PLXNC1: variants seen among roughly 807,000 people sequenced by gnomAD.
PLXNC1 encodes the protein plexin-C1.
In PLXNC1, 75 loss-of-function variants were observed where a neutral mutation model predicts 178.2. That is an observed-to-expected ratio of 0.42 (90% CI 0.35 to 0.51). The LOEUF is 0.51. Among genes scored for constraint, PLXNC1 ranks in the 20% least tolerant of loss-of-function variants. PLXNC1 has a pLI of 0.02. For missense variants in PLXNC1, 1,503 were observed against 1,984.4 expected (o/e 0.76, Z 4.61); for synonymous variants, 790 against 779.9 (o/e 1.01, Z -0.22).
At chr12:94,261,906 C>T (rs544312570) in intron 20 of PLXNC1, among the ~76,000 whole-genome samples, 5 of 152,300 alleles carry the variant, frequency 3.3e-5, no homozygotes, top group African/African-American at 9.6e-5. Context: ...CCTCCCTCTC[C>T]CTAAGGCAAT....
intron 5 of PLXNC1, among the ~76,000 whole-genome samples, chr12:94,212,778 G>T (rs1427945639): frequency 2.8e-5 from 4 of 144,936 alleles, no homozygotes; most frequent in African/African-American, 1.0e-4. Flanking sequence ...GGAGTGCAGT[G>T]GCACGATCTT....
intron 3 of PLXNC1, among the ~76,000 whole-genome samples, chr12:94,182,577 T>C (rs1277456459): frequency 6.6e-6 from 1 of 151,228 alleles, no homozygotes. Context: ...TACAAACAAT[T>C]AGCTGGGCGT....
chr12:94,307,140 T>A lies in PLXNC1; in HGVS notation c.*1855T>A, dbSNP rs983855413. The A allele has an allele frequency of 7.9e-5, 12 of 152,342 alleles. No homozygotes were observed. The highest frequency in any genetic ancestry group is 2.9e-4 in the African/African-American group (12 of 41,574). The allele number at this position is 152,342 out of a possible 1,614,324, so 9.4% of individuals were successfully genotyped here. Reference sequence around the variant, plus strand: ...CTACATGAGGGTGTCCCTGTCCAGCTTTCTGGCACATGAGTCCTGTGTGGA... The same window carrying A: ...CTACATGAGGGTGTCCCTGTCCAGCATTCTGGCACATGAGTCCTGTGTGGA... On this transcript the variant is annotated 3_prime_UTR_variant, in exon 31 of 31. Coordinates refer to ENST00000258526, the MANE Select transcript of PLXNC1 (RefSeq NM_005761.3).
At position 94,204,436 on chromosome 12, in the gene PLXNC1, TA is replaced by T. The variant is rs200734209; in HGVS notation, c.1440-5146del. ...GCCTGGCATGTTAGATGTTTTTGCT[TA>T]AAAAAAATCTTTTAATTGTCTCTGT... On this transcript the variant is annotated intron_variant, in intron 4 of 30. Transcript: ENST00000258526. 3.8e-4 allele frequency among the ~76,000 whole-genome samples: 58 copies of T among 152,322 alleles called. No homozygotes were observed. The South Asian group carries it at 4.4e-3, about 11-fold the overall frequency.
At chr12:94,222,968 C>T (rs1963837270) in intron 6 of PLXNC1, among the ~76,000 whole-genome samples, 1 of 152,186 alleles carries the variant, frequency 6.6e-6, no homozygotes, top group Non-Finnish European at 1.5e-5. Flanking sequence ...GGAATTCTGA[C>T]TTTCAGAGGG....
rs1592766645 is a variant in PLXNC1, at chr12:94,209,641, G to A, written c.1491G>A (p.Leu497=). The change falls in exon 5 of 31, where the codon CTG becomes CTA. Residue 497 remains leucine, a synonymous_variant. Transcript: ENST00000258526. ...CVHSENLENW[L]DISSGAKKCP... ...ATTCAGAGAACTTAGAAAACTGGCT[G>A]GATATTTCGTCTGGAGCAAAAAAGT... 16 of 1,613,472 alleles carry A rather than the reference G, an allele frequency of 9.9e-6. No homozygotes were observed. In the African/African-American group the frequency reaches 1.6e-4, roughly 16 times the overall value.
At chr12:94,280,152 T>G (rs832503) in intron 22 of PLXNC1, 2 of 243,508 alleles carry the variant, frequency 8.2e-6, no homozygotes, top group South Asian at 4.7e-5. Flanking sequence ...CCGTCCTCCC[T>G]CAGTGTGCAG....
intron 9 of PLXNC1, chr12:94,227,577 G>A (rs1245022035): frequency 4.8e-5 from 11 of 231,482 alleles, no homozygotes; most frequent in Non-Finnish European, 6.9e-5. Flanking sequence ...ATATAATTGC[G>A]TTTCTGGGGG....
chr12:94,238,947 C>T (rs1964309907), intron 10 of PLXNC1, among the ~76,000 whole-genome samples: 1 of 152,072 alleles, frequency 6.6e-6, no homozygotes, highest in African/African-American at 2.4e-5. Flanking sequence ...TGGCTAAATA[C>T]CTTATTGCAA....
At chr12:94,300,230 G>T (rs1294763446) in intron 27 of PLXNC1, among the ~76,000 whole-genome samples, 1 of 152,168 alleles carries the variant, frequency 6.6e-6, no homozygotes, top group African/African-American at 2.4e-5. Flanking sequence ...TGAGTGCAGT[G>T]GAGAAAGTAG....
chr12:94,220,054 C>A lies in PLXNC1; in HGVS notation c.1593C>A (p.His531Gln), dbSNP rs752425974. The A allele has an allele frequency of 6.2e-7, 1 of 1,613,820 alleles. No homozygotes were observed. Among genetic ancestry groups the A allele is most frequent in the East Asian group, 2.2e-5 (1 of 44,878 alleles). Reference sequence around the variant, plus strand: ...TGGTGGGAAGCTTCTCTCCAAGACACTCAAAGTGCATGGTGAAGAATGTGG... The same window carrying A: ...TGGTGGGAAGCTTCTCTCCAAGACAATCAAAGTGCATGGTGAAGAATGTGG... Reference protein sequence around the residue: ...VTMVGSFSPRHSKCMVKNVDS... With the variant: ...VTMVGSFSPRQSKCMVKNVDS... The change falls in exon 6 of 31, where the codon CAC (histidine) becomes CAA (glutamine). Residue 531 changes from histidine (H) to glutamine (Q), a missense_variant. Physicochemically the swap from His to Gln is conservative, Grantham distance 24. Around this residue, in one of 4 missense-constraint regions of PLXNC1, gnomAD observed 615 missense variants for 698.6 expected, o/e 0.88. Coordinates refer to ENST00000258526, the MANE Select transcript of PLXNC1 (RefSeq NM_005761.3).
intron 1 of PLXNC1, among the ~76,000 whole-genome samples, chr12:94,161,261 A>AG (rs1961374601): frequency 6.6e-6 from 1 of 152,236 alleles, no homozygotes; most frequent in South Asian, 2.1e-4. Context: ...TTATTTTGAC[A>AG]ATAGGGAGTT....
intron 23 of PLXNC1, among the ~76,000 whole-genome samples, chr12:94,285,327 T>G (rs1966770541): frequency 6.6e-6 from 1 of 152,194 alleles, no homozygotes; most frequent in African/African-American, 2.4e-5. Flanking sequence ...GAGCAGAGCT[T>G]CTTAGACAAT....
Position 94,237,762 on chromosome 12 carries a change from C to A in PLXNC1, c.2079C>A (p.Ile693=). ...TGANFTRASN[I]TMILKGTSTC... is the part of the protein sequence containing the mutation. Reference sequence around the variant, plus strand: ...CAAACTTTACCCGGGCATCGAACATCACAATGATCCTGAAAGGAACCAGTA... The same window carrying A: ...CAAACTTTACCCGGGCATCGAACATAACAATGATCCTGAAAGGAACCAGTA... Residue 693 remains isoleucine, a synonymous_variant, in exon 10 of 31, where the codon ATC becomes ATA. Transcript: ENST00000258526. 4 of 1,613,976 alleles carry A rather than the reference C, an allele frequency of 2.5e-6. No individual in the cohort carries two copies. Among genetic ancestry groups the A allele is most frequent in the Non-Finnish European group, 3.4e-6 (4 of 1,179,926 alleles).
At chr12:94,286,616 C>CAAAAAAAAAAAAAA (rs61238982) in intron 23 of PLXNC1, among the ~76,000 whole-genome samples, 1 of 101,374 alleles carries the variant, frequency 9.9e-6, no homozygotes, top group African/African-American at 4.0e-5. Flanking sequence ...TGCTTAAAAG[C>CAAAAAAAAAAAAAA]AAAAAAAAAA....
intron 3 of PLXNC1, among the ~76,000 whole-genome samples, chr12:94,183,234 G>A (rs11107431): frequency 0.27 from 41,107 of 152,086 alleles, 5,924 homozygotes; most frequent in African/African-American, 0.36. Flanking sequence ...CAAGCAATTT[G>A]TAGTTTCTGG....
intron 1 of PLXNC1, among the ~76,000 whole-genome samples, chr12:94,163,462 T>A (rs759753620): frequency 6.6e-6 from 1 of 152,124 alleles, no homozygotes; most frequent in Non-Finnish European, 1.5e-5. Flanking sequence ...TTTTTATAAG[T>A]AATTGACTGA....
chr12:94,158,984 A>T (rs1034234883), intron 1 of PLXNC1, among the ~76,000 whole-genome samples: 1 of 152,190 alleles, frequency 6.6e-6, no homozygotes, highest in South Asian at 2.1e-4. Flanking sequence ...TTATAAACAG[A>T]CACAATCTGA....
chr12:94,298,734 G>A lies in PLXNC1; in HGVS notation c.4177G>A (p.Ala1393Thr), dbSNP rs753472884. 2.8e-5 allele frequency: 45 copies of A among 1,613,060 alleles called. No homozygotes were observed. In the African/African-American group the frequency reaches 3.9e-4, roughly 14 times the overall value. ...AAAATACTTTTTTGACTTTTTGGAC[G>A]CCCAGGCTGAAAACAAAAAAATCAC... ...AIKYFFDFLD[A>T]QAENKKITDP... The change falls in exon 27 of 31, where the codon GCC becomes ACC. Residue 1393 changes from alanine (A) to threonine (T), a missense_variant. Coordinates refer to ENST00000258526, the MANE Select transcript of PLXNC1 (RefSeq NM_005761.3).
Sources: allele counts gnomAD v4.1 joint callset (sites outside exome capture counted in the v4.1 genomes callset), GRCh38; gene constraint gnomAD v4.1.1; regional missense constraint gnomAD v4.1.1; transcripts MANE v1.5; gene names NCBI Gene and HGNC (gene_info 2026-07-23, HGNC 2026-07-21).